L2HGDH: variants seen among roughly 807,000 people sequenced by gnomAD.
L2HGDH encodes the protein L-2-hydroxyglutarate dehydrogenase, mitochondrial.
L2HGDH carries 34 observed loss-of-function variants against 51.5 expected under a neutral mutation model. That is an observed-to-expected ratio of 0.66 (90% CI 0.50 to 0.88). L2HGDH has a LOEUF of 0.88. Ranked by LOEUF, L2HGDH falls within the 40% of genes least tolerant of loss-of-function variation. L2HGDH has a pLI of 0.00. For synonymous variants in L2HGDH, 198 were observed against 197.9 expected (o/e 1.00, Z -0.01); for missense variants, 558 against 571.9 (o/e 0.98, Z 0.25).
intron 3 of L2HGDH, among the ~76,000 whole-genome samples, chr14:50,298,786 CAAATG>C (rs1465576936): frequency 3.3e-5 from 5 of 152,014 alleles, no homozygotes; most frequent in African/African-American, 1.2e-4. Context: ...TCTGTTGAAA[CAAATG>C]AAAATAGAAA....
chr14:50,288,004 T>C (rs1361433135), intron 4 of L2HGDH, among the ~76,000 whole-genome samples: 12 of 152,082 alleles, frequency 7.9e-5, no homozygotes, highest in Admixed American at 7.9e-4. Flanking sequence ...AGCCAATAGT[T>C]GTATATATTT....
At chr14:50,305,570 T>C (rs1195389595) in intron 1 of L2HGDH, among the ~76,000 whole-genome samples, 1 of 152,236 alleles carries the variant, frequency 6.6e-6, no homozygotes, top group Non-Finnish European at 1.5e-5. Flanking sequence ...AAACAGATGT[T>C]TTATGGATTC....
Position 50,278,570 on chromosome 14 carries a change from A to T in L2HGDH, c.704-16T>A. ...TATTGCATTCCTGAAAAAAAAGAAT[A>T]AGTGAAAAATTTATTTTTAGCAAAA... On this transcript the variant is annotated splice_polypyrimidine_tract_variant and intron_variant, in intron 5 of 9. Coordinates refer to ENST00000267436, the MANE Select transcript of L2HGDH (RefSeq NM_024884.3). 7.5e-7 allele frequency: 1 copy of T among 1,330,860 alleles called. No individual in the cohort carries two copies. The highest frequency in any genetic ancestry group is 1.1e-6 in the Non-Finnish European group (1 of 937,220). The allele number at this position is 1,330,860 out of a possible 1,614,324, so 82.4% of individuals were successfully genotyped here.
At chr14:50,270,963 T>C (rs753306532) in intron 6 of L2HGDH, among the ~76,000 whole-genome samples, 2 of 152,222 alleles carry the variant, frequency 1.3e-5, no homozygotes, top group Non-Finnish European at 2.9e-5. Flanking sequence ...GAATTCAAAT[T>C]AGCTAGACTA....
chr14:50,277,806 AT>A (rs1890056933), intron 6 of L2HGDH, among the ~76,000 whole-genome samples: 1 of 147,896 alleles, frequency 6.8e-6, no homozygotes. Flanking sequence ...AATAATAATA[AT>A]AATAATAATA....
In L2HGDH at chr14:50,294,241, T is replaced by C. The variant is rs1418311808; in HGVS notation, c.414A>G (p.Ile138Met). ...GAATTTCTTCTTGTTCAACAGCTAC[T>C]ATAAGCTTCAAAAAAAAAAAGGTAA... The part of the protein sequence containing the change: ...GISYKQCGKL[I>M]VAVEQEEIPR... Residue 138 changes from isoleucine (I) to methionine (M), a missense_variant, in exon 4 of 10, where the codon ATA becomes ATG. Around this residue, in one of 3 missense-constraint regions of L2HGDH, gnomAD observed 194 missense variants for 187.2 expected, o/e 1.04. Transcript: ENST00000267436. 2 of 1,611,798 alleles carry C rather than the reference T, an allele frequency of 1.2e-6. No homozygotes were observed. The highest frequency in any genetic ancestry group is 1.7e-6 in the Non-Finnish European group (2 of 1,179,280).
intron 6 of L2HGDH, among the ~76,000 whole-genome samples, chr14:50,272,381 ATTC>A (rs1327437276): frequency 6.6e-6 from 1 of 152,188 alleles, no homozygotes; most frequent in Non-Finnish European, 1.5e-5. Context: ...CAGATTTTCA[ATTC>A]TTCTTTGAAT....
At chr14:50,292,472 C>T (rs1002686652) in intron 4 of L2HGDH, among the ~76,000 whole-genome samples, 6 of 152,172 alleles carry the variant, frequency 3.9e-5, no homozygotes, top group South Asian at 2.1e-4. Context: ...TTTGGGAGGC[C>T]GAGGCTGGAG....
chr14:50,282,468 CAT>C (rs1369470996), intron 5 of L2HGDH: 36 of 456,008 alleles, frequency 7.9e-5, no homozygotes, highest in African/African-American at 7.2e-4. Flanking sequence ...TTCCACCTGA[CAT>C]CTTTGTTAAT....
rs1217077938 is a variant in L2HGDH at position 50,308,383 on chromosome 14, T to G, written c.140+3628A>C. Among the ~76,000 whole-genome samples, 4 of 83,414 alleles carry G rather than the reference T, an allele frequency of 4.8e-5. No homozygotes were observed. The East Asian group carries it at 1.2e-3, about 26-fold the overall frequency. 54.7% of individuals were successfully genotyped at this position (83,414 alleles called of 152,430 possible). ...GCCTGGGCAACAAGGCGAAACTCCA[T>G]CTCAGAAAAAAAAAAAAAAAAAAAG... On this transcript the variant is annotated intron_variant, in intron 1 of 9. Transcript: ENST00000267436.
intron 4 of L2HGDH, chr14:50,293,425 C>T: frequency 2.2e-6 from 1 of 458,814 alleles, no homozygotes; most frequent in South Asian, 4.8e-5. Context: ...AGACCCTGGG[C>T]TAGGCAAAGA....
At chr14:50,284,077 C>T (rs1478572663) in intron 4 of L2HGDH, 44 bp from the exon 5 acceptor site, 2 of 1,565,086 alleles carry the variant, frequency 1.3e-6, no homozygotes, top group Admixed American at 1.7e-5. Context: ...AGAAATAATA[C>T]TTGCTAAATA....
rs190521927 is a variant in L2HGDH, at chr14:50,245,559, T to A, written c.*1499A>T. The A allele has an allele frequency of 8.2e-5, 79 of 967,248 alleles. 1 individual carries two copies. The Admixed American group carries it at 2.2e-3, about 27-fold the overall frequency. 59.9% of individuals were successfully genotyped at this position (967,248 alleles called of 1,614,324 possible). ...ACTACTCAAAAATGTAAATTTTATG[T>A]ATTTTCTTGAAATCATGAATTTTTA... On this transcript the variant is annotated 3_prime_UTR_variant, in exon 10 of 10. Coordinates refer to ENST00000267436, the MANE Select transcript of L2HGDH (RefSeq NM_024884.3).
At chr14:50,306,789 G>T (rs2030752589) in intron 1 of L2HGDH, among the ~76,000 whole-genome samples, 1 of 151,908 alleles carries the variant, frequency 6.6e-6, no homozygotes, top group Non-Finnish European at 1.5e-5. Context: ...AGCAGGGCTG[G>T]TGAAAGTTTT....
intron 9 of L2HGDH, among the ~76,000 whole-genome samples, chr14:50,259,498 C>T (rs905776450): frequency 2.0e-5 from 3 of 151,452 alleles, no homozygotes; most frequent in African/African-American, 7.3e-5. Flanking sequence ...GCATGAGCCA[C>T]CCCGCCCGGC....
chr14:50,308,161 C>A (rs1301075838), intron 1 of L2HGDH, among the ~76,000 whole-genome samples: 1 of 152,146 alleles, frequency 6.6e-6, no homozygotes, highest in Non-Finnish European at 1.5e-5. Context: ...GAGGCCAAGG[C>A]GGGCGGATCA....
intron 4 of L2HGDH, among the ~76,000 whole-genome samples, chr14:50,290,128 G>A (rs1415955002): frequency 3.3e-5 from 5 of 152,212 alleles, no homozygotes; most frequent in Admixed American, 2.0e-4. Context: ...TTAGCCAGGT[G>A]TGGTGGTGGG....
At position 50,294,261 on chromosome 14, in the gene L2HGDH, A is replaced by AT; in HGVS notation, c.409-16_409-15insA. 1 of 1,606,102 alleles carries AT rather than the reference A, an allele frequency of 6.2e-7. No homozygotes were observed. The highest frequency in any genetic ancestry group is 8.5e-7 in the Non-Finnish European group (1 of 1,176,184). On this transcript the variant is annotated splice_polypyrimidine_tract_variant and intron_variant, in intron 3 of 9. Coordinates refer to ENST00000267436, the MANE Select transcript of L2HGDH (RefSeq NM_024884.3). ...GCTACTATAAGCTTCAAAAAAAAAAAGGTAAGGAGCATGGATAGAGGTGAA... is the reference window on the plus strand; with the variant it reads ...GCTACTATAAGCTTCAAAAAAAAAAATGGTAAGGAGCATGGATAGAGGTGAA...
At chr14:50,265,111 T>C (rs1889262988) in intron 9 of L2HGDH, among the ~76,000 whole-genome samples, 1 of 152,304 alleles carries the variant, frequency 6.6e-6, no homozygotes, top group Middle Eastern at 3.4e-3. Context: ...CATAGAGATT[T>C]CAGATTAGAG....
Sources: gnomAD v4.1 joint callset for allele counts (sites outside exome capture counted in the v4.1 genomes callset) on GRCh38, gnomAD v4.1.1 for gene constraint, gnomAD v4.1.1 regional missense constraint, MANE v1.5 for transcripts, NCBI Gene and HGNC (gene_info 2026-07-23, HGNC 2026-07-21) for gene names.